Variants in CPNE8 observed in about 807,000 individuals in gnomAD.
CPNE8 encodes the protein copine-8.
Under a neutral mutation model 81.5 loss-of-function variants are expected in CPNE8, and 45 were observed. The ratio of observed to expected loss-of-function variants is 0.55; its 90% confidence interval spans 0.44 to 0.71. The LOEUF is 0.71. CPNE8 is among the 30% of genes least tolerant of loss of function. The pLI, the probability that CPNE8 is intolerant of heterozygous loss-of-function variation, is 0.00. For missense variants in CPNE8, 594 were observed against 672.1 expected, an observed-to-expected ratio of 0.88 and a Z score of 1.28; for synonymous variants, 252 against 226.3, an observed-to-expected ratio of 1.11 and a Z score of -1.02.
upstream of CPNE8, chr12:38,905,609 A>C: frequency 6.6e-7 from 1 of 1,526,494 alleles, no homozygotes; most frequent in South Asian, 1.2e-5. Flanking sequence ...AGCTCCCGTC[A>C]GGCGGGGATG....
At chr12:38,664,559 T>C (rs1010315903) in intron 19 of CPNE8, among the ~76,000 whole-genome samples, 6 of 152,268 alleles carry the variant, frequency 3.9e-5, no homozygotes, top group African/African-American at 1.4e-4. Context: ...CCTGGACTTT[T>C]CAAATTTTAA....
intron 13 of CPNE8, among the ~76,000 whole-genome samples, chr12:38,717,320 GA>G (rs904941765): frequency 6.7e-6 from 1 of 149,828 alleles, no homozygotes; most frequent in East Asian, 2.0e-4. Flanking sequence ...GCCATTATAT[GA>G]AAAAAACACT....
chr12:38,690,113 AG>A (rs1298375180), intron 15 of CPNE8, among the ~76,000 whole-genome samples: 2 of 152,126 alleles, frequency 1.3e-5, no homozygotes, highest in African/African-American at 2.4e-5. Context: ...GCTATCCAAA[AG>A]AATTATGTGA....
At chr12:38,850,912 T>C (rs1565648001) in intron 3 of CPNE8, among the ~76,000 whole-genome samples, 1 of 152,224 alleles carries the variant, frequency 6.6e-6, no homozygotes, top group Non-Finnish European at 1.5e-5. Flanking sequence ...GTGTTACCAA[T>C]GTGACAGTAT....
intron 6 of CPNE8, among the ~76,000 whole-genome samples, chr12:38,799,772 G>C (rs1423987360): frequency 7.0e-6 from 1 of 143,254 alleles, no homozygotes; most frequent in Non-Finnish European, 1.6e-5. Context: ...GGGAGTGCCA[G>C]ACAGTGGGCG....
intron 10 of CPNE8, among the ~76,000 whole-genome samples, chr12:38,742,341 T>C (rs996102702): frequency 2.0e-5 from 3 of 152,108 alleles, no homozygotes; most frequent in African/African-American, 7.2e-5. Flanking sequence ...CGGAATACTA[T>C]GCAGCCATAA....
rs71461483 is a variant in CPNE8 at position 38,799,228 on chromosome 12, T to C, written c.408-22927A>G. On this transcript the variant is annotated intron_variant, in intron 6 of 19. Coordinates refer to ENST00000331366, the MANE Select transcript of CPNE8 (RefSeq NM_153634.3). The stretch of plus-strand genomic sequence containing the variant: ...TAGACATCTACAGAACTCTCCACCC[T>C]AAATCAACAGAATATACATTTTTTT... Among the ~76,000 whole-genome samples, 720 of 152,194 alleles carry C rather than the reference T, an allele frequency of 4.7e-3. 4 individuals are homozygous for C. Among genetic ancestry groups the C allele is most frequent in the Non-Finnish European group, 6.4e-3 (433 of 68,016 alleles).
intron 6 of CPNE8, among the ~76,000 whole-genome samples, chr12:38,789,426 T>C (rs1942273321): frequency 6.6e-6 from 1 of 151,864 alleles, no homozygotes; most frequent in Non-Finnish European, 1.5e-5. Flanking sequence ...TAGACCCCTA[T>C]CTTTTGCTAT....
intron 7 of CPNE8, among the ~76,000 whole-genome samples, chr12:38,774,143 T>C (rs1435860954): frequency 6.6e-6 from 1 of 151,794 alleles, no homozygotes; most frequent in Non-Finnish European, 1.5e-5. Context: ...AACAAGAGAG[T>C]AGAACTGAAA....
chr12:38,724,338 ATTT>A (rs1254447272), intron 12 of CPNE8, among the ~76,000 whole-genome samples: 2 of 144,272 alleles, frequency 1.4e-5, no homozygotes, highest in Non-Finnish European at 3.0e-5. Flanking sequence ...ACTCTGCAGT[ATTT>A]TTTCTTAAAA....
At chr12:38,859,900 A>T (rs1216990813) in intron 3 of CPNE8, among the ~76,000 whole-genome samples, 2 of 152,148 alleles carry the variant, frequency 1.3e-5, no homozygotes, top group Non-Finnish European at 2.9e-5. Flanking sequence ...CATCATACAC[A>T]AAAGGCTACT....
chr12:38,652,597 GAC>G lies in CPNE8; in HGVS notation c.*1283_*1284del, dbSNP rs147459982. ...AATATTATAAAGCAGTTACATTTTT[GAC>G]ACACACACACACACAAATAAATACA... On this transcript the variant is annotated 3_prime_UTR_variant, in exon 20 of 20. Coordinates refer to ENST00000331366, the MANE Select transcript of CPNE8 (RefSeq NM_153634.3). 1.1e-4 allele frequency: 17 copies of G among 151,418 alleles called. No individual in the cohort carries two copies. The highest frequency in any genetic ancestry group is 3.9e-4 in the East Asian group (2 of 5,150). The allele number at this position is 151,418 out of a possible 1,614,324, so 9.4% of individuals were successfully genotyped here. A position where few individuals can be genotyped will look rare whatever the true frequency, so the allele number is the denominator to read the frequency against.
intron 10 of CPNE8, among the ~76,000 whole-genome samples, chr12:38,736,445 TAAGG>T (rs1157636365): frequency 6.6e-6 from 1 of 151,856 alleles, no homozygotes; most frequent in Non-Finnish European, 1.5e-5. Flanking sequence ...AAGCCATAGT[TAAGG>T]ATATGTTATA....
At chr12:38,665,490 A>G (rs6580717) in intron 19 of CPNE8, among the ~76,000 whole-genome samples, 151,373 of 152,150 alleles carry the variant, frequency 0.99, 75,301 homozygotes, top group Middle Eastern at 1. Context: ...TGCTTGCTTT[A>G]CCTATTCGTA....
intron 6 of CPNE8, among the ~76,000 whole-genome samples, chr12:38,812,399 T>G (rs1942952562): frequency 6.6e-6 from 1 of 152,190 alleles, no homozygotes; most frequent in South Asian, 2.1e-4. Flanking sequence ...CTCAGAAAAC[T>G]TACAATCATG....
intron 1 of CPNE8, among the ~76,000 whole-genome samples, chr12:38,904,133 C>A (rs1944528700): frequency 6.6e-6 from 1 of 152,082 alleles, no homozygotes; most frequent in East Asian, 1.9e-4. Context: ...CAAGATCACC[C>A]AAATTTGTTA....
intron 13 of CPNE8, among the ~76,000 whole-genome samples, chr12:38,704,826 G>GTATATATATATA (rs573232937): frequency 6.4e-4 from 32 of 50,180 alleles, no homozygotes; most frequent in Admixed American, 1.7e-3. Flanking sequence ...GTATGTATGT[G>GTATATATATATA]TATATATATA....
intron 6 of CPNE8, among the ~76,000 whole-genome samples, chr12:38,826,555 C>T (rs1943196214): frequency 6.6e-6 from 1 of 152,188 alleles, no homozygotes; most frequent in Admixed American, 6.5e-5. Flanking sequence ...CTCCCAACAT[C>T]TGCATATTCT....
At chr12:38,903,960 T>C (rs1240962198) in intron 1 of CPNE8, among the ~76,000 whole-genome samples, 3 of 152,160 alleles carry the variant, frequency 2.0e-5, no homozygotes, top group Non-Finnish European at 4.4e-5. Context: ...TCAGGTGATA[T>C]AGTTTCAGGG....
Sources: gnomAD v4.1 joint callset for allele counts (sites outside exome capture counted in the v4.1 genomes callset) on GRCh38, gnomAD v4.1.1 for gene constraint, MANE v1.5 for transcripts, NCBI Gene and HGNC (gene_info 2026-07-23, HGNC 2026-07-21) for gene names.